SVEP1: variants seen among roughly 807,000 people sequenced by gnomAD.
SVEP1 encodes sushi, von Willebrand factor type A, EGF and pentraxin domain containing 1.
In SVEP1, 164 loss-of-function variants were observed where a neutral mutation model predicts 367.3. The ratio of observed to expected loss-of-function variants is 0.45; its 90% CI spans 0.39 to 0.51. SVEP1 has a LOEUF of 0.51. Ranked by LOEUF, SVEP1 falls within the 20% of genes least tolerant of loss-of-function variation. SVEP1 has a pLI of 0.00. For missense variants in SVEP1, 4,117 were observed against 4,425.3 expected (o/e 0.93, Z 1.98); for synonymous variants, 1,666 against 1,611.6 (o/e 1.03, Z -0.81).
chr9:110,383,034 C>A (rs1471184948), intron 43 of SVEP1, among the ~76,000 whole-genome samples: 2 of 152,192 alleles, frequency 1.3e-5, no homozygotes, highest in African/African-American at 4.8e-5. Context: ...TTCATTATTA[C>A]CCACTTTCTG....
chr9:110,490,310 A>T (rs888101620), intron 8 of SVEP1, among the ~76,000 whole-genome samples: 1 of 152,100 alleles, frequency 6.6e-6, no homozygotes, highest in Non-Finnish European at 1.5e-5. Flanking sequence ...CACCTTAAAT[A>T]TTTATCTTTT....
At chr9:110,551,716 A>T (rs1014785285) in intron 1 of SVEP1, among the ~76,000 whole-genome samples, 3 of 152,208 alleles carry the variant, frequency 2.0e-5, no homozygotes, top group Non-Finnish European at 4.4e-5. Flanking sequence ...AATGACAGGA[A>T]GATTTGGAAT....
intron 39 of SVEP1, among the ~76,000 whole-genome samples, chr9:110,402,462 A>G (rs1827878481): frequency 6.6e-6 from 1 of 152,206 alleles, no homozygotes; most frequent in African/African-American, 2.4e-5. Context: ...TACACAGTTT[A>G]CACCTTAAAA....
intron 37 of SVEP1, among the ~76,000 whole-genome samples, chr9:110,409,221 A>T (rs1828007060): frequency 6.6e-6 from 1 of 152,160 alleles, no homozygotes; most frequent in Non-Finnish European, 1.5e-5. Context: ...GGAACACTTG[A>T]GGTTAGGAGT....
intron 13 of SVEP1, among the ~76,000 whole-genome samples, chr9:110,477,022 G>A (rs1829106890): frequency 6.6e-6 from 1 of 152,104 alleles, no homozygotes; most frequent in Admixed American, 6.6e-5. Context: ...TTTGGTAACT[G>A]TCCCTGTTAT....
intron 22 of SVEP1, among the ~76,000 whole-genome samples, chr9:110,454,180 CT>C (rs1828741518): frequency 6.6e-6 from 1 of 152,098 alleles, no homozygotes; most frequent in Admixed American, 6.6e-5. Context: ...TCCATTGATG[CT>C]TTCTTTTGCA....
chr9:110,430,105 T>TTA, intron 33 of SVEP1, 101 bp from the exon 34 acceptor site: 3 of 1,311,648 alleles, frequency 2.3e-6, no homozygotes, highest in African/African-American at 2.0e-5. Flanking sequence ...TTTGTTTGTT[T>TTA]TCTTTTTTTT....
At chr9:110,466,349 A>C (rs1193861047) in intron 17 of SVEP1, among the ~76,000 whole-genome samples, 1 of 152,206 alleles carries the variant, frequency 6.6e-6, no homozygotes, top group Non-Finnish European at 1.5e-5. Flanking sequence ...CAAGTTGTAC[A>C]CTGGGAATTT....
At chr9:110,459,966 AT>A (rs1828832440) in intron 18 of SVEP1, among the ~76,000 whole-genome samples, 1 of 152,012 alleles carries the variant, frequency 6.6e-6, no homozygotes, top group African/African-American at 2.4e-5. Context: ...ACTTAGACTA[AT>A]TATTTTTGCC....
chr9:110,550,524 A>ATCTG (rs142977723), intron 1 of SVEP1, among the ~76,000 whole-genome samples: 26 of 144,504 alleles, frequency 1.8e-4, no homozygotes, highest in African/African-American at 3.1e-4. Context: ...CTATCTATCT[A>ATCTG]TCTGTCTATC....
At chr9:110,404,842 TAGTG>T (rs1827931842) in intron 38 of SVEP1, among the ~76,000 whole-genome samples, 1 of 151,960 alleles carries the variant, frequency 6.6e-6, no homozygotes, top group African/African-American at 2.4e-5. Flanking sequence ...CTGGGAAACA[TAGTG>T]AGACTTCATC....
intron 1 of SVEP1, among the ~76,000 whole-genome samples, chr9:110,574,229 G>A (rs772003970): frequency 5.3e-5 from 8 of 152,224 alleles, no homozygotes; most frequent in Non-Finnish European, 2.9e-5. Flanking sequence ...GTAACTGTGC[G>A]CTTGCACAGT....
In SVEP1 at chr9:110,460,308, G is replaced by A. The variant is rs553644927; in HGVS notation, c.3323-1195C>T. Among the ~76,000 whole-genome samples the A allele has an allele frequency of 5.2e-5, 7 of 135,686 alleles. No individual in the cohort carries two copies. In the South Asian group the frequency reaches 1.8e-3, roughly 35 times the overall value. 89.0% of individuals were successfully genotyped at this position (135,686 alleles called of 152,430 possible). A position where few individuals can be genotyped will look rare whatever the true frequency, so the allele number is the denominator to read the frequency against. ...TACCTTTTGAATTTTGAGTTTTTTT[G>A]TTCATTATATCTAAAGATAAAAATA... On this transcript the variant is annotated intron_variant, in intron 18 of 47. Coordinates refer to ENST00000374469, the MANE Select transcript of SVEP1 (RefSeq NM_153366.4).
intron 46 of SVEP1, among the ~76,000 whole-genome samples, chr9:110,374,989 T>C (rs1827327941): frequency 6.6e-6 from 1 of 152,052 alleles, no homozygotes; most frequent in African/African-American, 2.4e-5. Flanking sequence ...TTAAATTGTA[T>C]TTATGTATAA....
chr9:110,411,053 G>A lies in SVEP1; in HGVS notation c.6648+10C>T. ...AAAAGCCACAGACCATTTGCTAATT[G>A]GTCTCTTACCTCCAGAAAGCCATTC... On this transcript the variant is annotated intron_variant, in intron 37 of 47. Coordinates refer to ENST00000374469, the MANE Select transcript of SVEP1 (RefSeq NM_153366.4). 1 of 1,538,246 alleles carries A rather than the reference G, an allele frequency of 6.5e-7. No homozygotes were observed. The highest frequency in any genetic ancestry group is 8.8e-7 in the Non-Finnish European group (1 of 1,141,882).
At chr9:110,531,904 T>A (rs1830022610) in intron 3 of SVEP1, among the ~76,000 whole-genome samples, 1 of 152,134 alleles carries the variant, frequency 6.6e-6, no homozygotes, top group African/African-American at 2.4e-5. Flanking sequence ...CCACATAACA[T>A]AAAAGAGATA....
At chr9:110,410,216 AAGT>A (rs1202758389) in intron 37 of SVEP1, among the ~76,000 whole-genome samples, 1 of 152,206 alleles carries the variant, frequency 6.6e-6, no homozygotes, top group African/African-American at 2.4e-5. Context: ...GGTTTTAAAA[AAGT>A]GTTTAATTAG....
chr9:110,534,528 T>C (rs910857617), intron 3 of SVEP1, among the ~76,000 whole-genome samples: 4 of 152,162 alleles, frequency 2.6e-5, no homozygotes, highest in East Asian at 1.9e-4. Context: ...TTATATTCCG[T>C]TGGGTATGTG....
chr9:110,387,577 T>G, intron 41 of SVEP1, 119 bp from the exon 42 acceptor site: 1 of 1,089,350 alleles, frequency 9.2e-7, no homozygotes, highest in Non-Finnish European at 1.3e-6. Flanking sequence ...TACTCATGTG[T>G]GAAGCACAGT....
Sources: gnomAD v4.1 joint callset for allele counts (sites outside exome capture counted in the v4.1 genomes callset) on GRCh38, gnomAD v4.1.1 for gene constraint, MANE v1.5 for transcripts, NCBI Gene and HGNC (gene_info 2026-07-23, HGNC 2026-07-21) for gene names.